The following NWD2 variants were observed in gnomAD, a reference collection of about 807,000 sequenced individuals.
NWD2 encodes NACHT and WD repeat domain-containing protein 2.
Under a neutral mutation model 132.7 loss-of-function variants are expected in NWD2, and 37 were observed. That is an observed-to-expected ratio of 0.28 (90% confidence interval 0.21 to 0.37). NWD2 has a LOEUF of 0.37. Among genes scored for constraint, NWD2 ranks in the 10% least tolerant of loss-of-function variants. NWD2 has a pLI of 1.00. For missense variants in NWD2, 1,592 were observed against 2,122.4 expected (o/e 0.75, Z 4.91); for synonymous variants, 705 against 803.0 (o/e 0.88, Z 2.06).
rs750066787 is a variant in NWD2, at chr4:37,444,514, G to A, written c.2526G>A (p.Thr842=). 7.1e-6 allele frequency: 11 copies of A among 1,551,630 alleles called. No homozygotes were observed. In the East Asian group the frequency reaches 7.3e-5, roughly 10 times the overall value. The stretch of plus-strand genomic sequence containing the variant: ...TGTCTGAGCTGTTGTACCACTTGAC[G>A]AGGTGTGGAAAAACCGATGACCTGC... ...RKMSELLYHL[T]RCGKTDDLLY... Residue 842 remains threonine (T), a synonymous_variant, in exon 7 of 7, where the codon ACG becomes ACA. Coordinates refer to ENST00000309447, the MANE Select transcript of NWD2 (RefSeq NM_001144990.2). The surrounding 1 kb of genome is among the most constrained non-coding windows in gnomAD (Gnocchi z 4.8).
chr4:37,263,377 A>T (rs1717685006), intron 1 of NWD2, among the ~76,000 whole-genome samples: 1 of 152,124 alleles, frequency 6.6e-6, no homozygotes, highest in Non-Finnish European at 1.5e-5. Flanking sequence ...CTGAGGGAAC[A>T]TGGGTTATAC....
intron 2 of NWD2, among the ~76,000 whole-genome samples, chr4:37,331,693 A>G (rs1719295098): frequency 1.3e-5 from 2 of 152,226 alleles, no homozygotes; most frequent in African/African-American, 4.8e-5. Flanking sequence ...CTAAACAATT[A>G]TCCACACAAA....
intron 1 of NWD2, among the ~76,000 whole-genome samples, chr4:37,298,721 G>A (rs779382472): frequency 6.6e-6 from 1 of 152,120 alleles, no homozygotes; most frequent in Non-Finnish European, 1.5e-5. Flanking sequence ...ATGAAAGTTC[G>A]AGGAGCAACA....
chr4:37,278,545 T>C lies in NWD2; in HGVS notation c.151+33327T>C, dbSNP rs1298707681. ...ATTGTAAGTTTTCTTCACATTTTCT[T>C]CAAATGTGAGGAGATATGTAGCTAG... On this transcript the variant is annotated intron_variant, in intron 1 of 6. Coordinates refer to ENST00000309447, the MANE Select transcript of NWD2 (RefSeq NM_001144990.2). Among the ~76,000 whole-genome samples, 4 of 152,162 alleles carry C rather than the reference T, an allele frequency of 2.6e-5. No homozygotes were observed. In the East Asian group the frequency reaches 7.7e-4, roughly 29 times the overall value.
chr4:37,393,776 A>T (rs1720725510), intron 3 of NWD2, among the ~76,000 whole-genome samples: 1 of 152,190 alleles, frequency 6.6e-6, no homozygotes, highest in Non-Finnish European at 1.5e-5. Flanking sequence ...TGTTAACTTA[A>T]CATCCCTCTC....
intron 3 of NWD2, among the ~76,000 whole-genome samples, chr4:37,417,530 TG>T (rs1269854922): frequency 3.9e-5 from 6 of 152,174 alleles, no homozygotes; most frequent in African/African-American, 1.4e-4. Flanking sequence ...AGCCTGGATT[TG>T]CAGGTCAAAA....
chr4:37,281,799 C>T (rs1399286067), intron 1 of NWD2, among the ~76,000 whole-genome samples: 1 of 152,094 alleles, frequency 6.6e-6, no homozygotes, highest in Non-Finnish European at 1.5e-5. Context: ...TTTTATCTAA[C>T]ATTTCGATAA....
chr4:37,336,655 A>C (rs1719411698), intron 2 of NWD2, among the ~76,000 whole-genome samples: 1 of 152,206 alleles, frequency 6.6e-6, no homozygotes, highest in African/African-American at 2.4e-5. Context: ...AAGAAAATAA[A>C]TTTGGCTGGG....
chr4:37,427,495 AT>A (rs1283961665), intron 3 of NWD2, among the ~76,000 whole-genome samples: 2 of 152,232 alleles, frequency 1.3e-5, no homozygotes, highest in Admixed American at 6.5e-5. Context: ...TAAACCTGTT[AT>A]CAAGATTGGC....
chr4:37,431,760 A>T (rs1712186269), intron 4 of NWD2, among the ~76,000 whole-genome samples: 1 of 152,148 alleles, frequency 6.6e-6, no homozygotes, highest in Non-Finnish European at 1.5e-5. Context: ...AAAAAAACTA[A>T]ATCCAAAGCT....
intron 2 of NWD2, among the ~76,000 whole-genome samples, chr4:37,338,119 C>T (rs1349287265): frequency 2.0e-5 from 3 of 152,246 alleles, no homozygotes; most frequent in Non-Finnish European, 2.9e-5. Context: ...CTGGTCCAAA[C>T]TGTACACAGC....
chr4:37,375,614 G>T (rs1720331453), intron 3 of NWD2, among the ~76,000 whole-genome samples: 2 of 150,322 alleles, frequency 1.3e-5, no homozygotes, highest in African/African-American at 4.9e-5. Context: ...TGTCACCCAG[G>T]CTGGAGTGCA....
intron 6 of NWD2, among the ~76,000 whole-genome samples, chr4:37,441,940 G>A (rs1483420272): frequency 6.6e-6 from 1 of 152,204 alleles, no homozygotes; most frequent in Non-Finnish European, 1.5e-5. Context: ...ATGTGACTGG[G>A]AGGACGGAGG....
intron 1 of NWD2, among the ~76,000 whole-genome samples, chr4:37,266,429 T>C (rs1453069239): frequency 6.6e-6 from 1 of 152,200 alleles, no homozygotes; most frequent in East Asian, 1.9e-4. Context: ...TCGATGTAGC[T>C]ACAGGTTACT....
At position 37,298,596 on chromosome 4, in the gene NWD2, G is replaced by A. The variant is rs372053185; in HGVS notation, c.152-27340G>A. Among the ~76,000 whole-genome samples the A allele has an allele frequency of 3.2e-4, 49 of 152,262 alleles. No individual in the cohort carries two copies. In the South Asian group the frequency reaches 6.0e-3, roughly 19 times the overall value. On this transcript the variant is annotated intron_variant, in intron 1 of 6. Coordinates refer to ENST00000309447, the MANE Select transcript of NWD2 (RefSeq NM_001144990.2). ...AGAGAGGTGAGTGGATGGGCAGATG[G>A]ATAGGAGAAAAGAGAGCTCTTCATT...
chr4:37,248,454 T>A (rs547318927), intron 1 of NWD2, among the ~76,000 whole-genome samples: 2 of 152,324 alleles, frequency 1.3e-5, no homozygotes, highest in Admixed American at 1.3e-4. Context: ...GGTGATAGCA[T>A]TATCCCAGAT....
intron 1 of NWD2, among the ~76,000 whole-genome samples, chr4:37,304,416 A>G (rs920417428): frequency 6.6e-6 from 1 of 152,168 alleles, no homozygotes; most frequent in African/African-American, 2.4e-5. Flanking sequence ...ATACAATCAT[A>G]CTTTCTCAGC....
chr4:37,279,230 C>A (rs1718082282), intron 1 of NWD2, among the ~76,000 whole-genome samples: 1 of 151,956 alleles, frequency 6.6e-6, no homozygotes, highest in Non-Finnish European at 1.5e-5. Flanking sequence ...CATTTGGAAG[C>A]CAAAATAAAC....
chr4:37,359,993 A>G (rs935873094), intron 3 of NWD2, among the ~76,000 whole-genome samples: 1 of 152,204 alleles, frequency 6.6e-6, no homozygotes, highest in Non-Finnish European at 1.5e-5. Flanking sequence ...ACATTTGAAT[A>G]CATGTGTAGA....
Sources: allele counts gnomAD v4.1 joint callset (sites outside exome capture counted in the v4.1 genomes callset), GRCh38; gene constraint gnomAD v4.1.1; non-coding constraint Gnocchi (gnomAD v3.1); transcripts MANE v1.5; gene names NCBI Gene and HGNC (gene_info 2026-07-23, HGNC 2026-07-21).